The following OPCML variants were observed in gnomAD, a reference collection of about 807,000 sequenced individuals.
The protein encoded by OPCML is opioid binding protein/cell adhesion molecule like.
In OPCML, 13 loss-of-function variants were observed where a neutral mutation model predicts 37.8. That is an observed-to-expected ratio of 0.34 (90% CI 0.22 to 0.55). The LOEUF (loss-of-function observed/expected upper bound fraction) is 0.55, where lower values mean the gene tolerates loss of function less well. Among genes scored for constraint, OPCML ranks in the 20% least tolerant of loss-of-function variants. OPCML has a pLI of 0.91. For missense variants in OPCML, 341 were observed against 435.6 expected (o/e 0.78, Z 1.93); for synonymous variants, 176 against 168.8 (o/e 1.04, Z -0.33).
chr11:132,870,862 G>T (rs974574251), intron 2 of OPCML, among the ~76,000 whole-genome samples: 1 of 152,166 alleles, frequency 6.6e-6, no homozygotes, highest in Admixed American at 6.5e-5. Flanking sequence ...CACAAAAGTA[G>T]GGAGTAAAAT....
At chr11:132,899,718 T>A (rs1322902207) in intron 2 of OPCML, among the ~76,000 whole-genome samples, 1 of 152,124 alleles carries the variant, frequency 6.6e-6, no homozygotes, top group Admixed American at 6.5e-5. Context: ...GAGACTGGCA[T>A]GTGAGTCTAA....
intron 1 of OPCML, among the ~76,000 whole-genome samples, chr11:133,374,546 A>G (rs1157810272): frequency 6.6e-6 from 1 of 152,152 alleles, no homozygotes; most frequent in East Asian, 1.9e-4. Flanking sequence ...TCAACTGGTG[A>G]AATTTTCTCC....
chr11:132,505,723 C>G (rs530686823), intron 4 of OPCML, among the ~76,000 whole-genome samples: 43 of 152,028 alleles, frequency 2.8e-4, no homozygotes, highest in Non-Finnish European at 6.0e-4. Context: ...CTGAGCAGCT[C>G]TCCCGGGATA....
chr11:132,710,461 G>C (rs990841713), intron 2 of OPCML, among the ~76,000 whole-genome samples: 1 of 152,152 alleles, frequency 6.6e-6, no homozygotes, highest in African/African-American at 2.4e-5. Flanking sequence ...AGACATGACT[G>C]TGCCCAAAGT....
intron 2 of OPCML, among the ~76,000 whole-genome samples, chr11:132,903,246 C>T (rs2136508515): frequency 1.3e-5 from 2 of 152,292 alleles, no homozygotes; most frequent in Middle Eastern, 3.4e-3. Flanking sequence ...GGAAGCTTTT[C>T]CTCCACCCTC....
At chr11:132,509,375 C>A (rs2508943) in intron 4 of OPCML, among the ~76,000 whole-genome samples, 78,442 of 151,932 alleles carry the variant, frequency 0.52, 20,955 homozygotes, top group East Asian at 0.8. Flanking sequence ...GAGAAATTCA[C>A]GCCAGCTGCA....
chr11:133,273,751 C>T (rs968425582), intron 1 of OPCML, among the ~76,000 whole-genome samples: 1 of 152,098 alleles, frequency 6.6e-6, no homozygotes, highest in Admixed American at 6.5e-5. Flanking sequence ...ATCCAGAGGG[C>T]CCTCAGTCTT....
At chr11:133,216,291 T>C (rs568406757) in intron 1 of OPCML, among the ~76,000 whole-genome samples, 3 of 152,176 alleles carry the variant, frequency 2.0e-5, no homozygotes, top group Admixed American at 2.0e-4. Flanking sequence ...AAACAGAAAA[T>C]TCCTCCTCTG....
At chr11:132,532,815 A>G (rs752723651) in intron 3 of OPCML, among the ~76,000 whole-genome samples, 82 of 152,298 alleles carry the variant, frequency 5.4e-4, no homozygotes, top group Non-Finnish European at 1.0e-3. Flanking sequence ...CCCCAGGGCC[A>G]TGCATGCTGC....
chr11:133,450,986 A>G (rs968025762), intron 1 of OPCML, among the ~76,000 whole-genome samples: 3 of 151,770 alleles, frequency 2.0e-5, no homozygotes, highest in African/African-American at 7.3e-5. Context: ...TACCATATAT[A>G]TGTATATGCA....
chr11:133,276,563 T>C (rs77482858), intron 1 of OPCML, among the ~76,000 whole-genome samples: 6 of 152,194 alleles, frequency 3.9e-5, no homozygotes, highest in East Asian at 3.9e-4. Context: ...AAGCGTAATA[T>C]TGAAAAACAG....
intron 4 of OPCML, among the ~76,000 whole-genome samples, chr11:132,505,641 A>G (rs763445710): frequency 1.2e-4 from 18 of 152,210 alleles, no homozygotes; most frequent in Non-Finnish European, 2.6e-4. Context: ...ACAAAATTTA[A>G]ATCTCCATCA....
intron 3 of OPCML, among the ~76,000 whole-genome samples, chr11:132,576,805 C>A (rs2096452034): frequency 6.6e-6 from 1 of 152,166 alleles, no homozygotes; most frequent in African/African-American, 2.4e-5. Context: ...AACTCTTTCC[C>A]TCCCTAGGGA....
At chr11:133,271,907 A>T (rs1379334756) in intron 1 of OPCML, among the ~76,000 whole-genome samples, 1 of 152,210 alleles carries the variant, frequency 6.6e-6, no homozygotes, top group Non-Finnish European at 1.5e-5. Flanking sequence ...AGATAATCAC[A>T]TATAGTCCCT....
intron 1 of OPCML, among the ~76,000 whole-genome samples, chr11:133,415,329 G>T (rs958749106): frequency 2.6e-5 from 4 of 151,778 alleles, no homozygotes; most frequent in African/African-American, 9.7e-5. Context: ...AGAATGGCAT[G>T]AACCCAGGAG....
chr11:133,521,466 T>G (rs919060776), intron 1 of OPCML, among the ~76,000 whole-genome samples: 4 of 152,250 alleles, frequency 2.6e-5, no homozygotes, highest in Non-Finnish European at 5.9e-5. Flanking sequence ...CCAATCTTCA[T>G]GGACATTGTG....
intron 2 of OPCML, among the ~76,000 whole-genome samples, chr11:132,856,442 G>A (rs1020627814): frequency 6.6e-6 from 1 of 152,146 alleles, no homozygotes; most frequent in Non-Finnish European, 1.5e-5. Flanking sequence ...GGAATGTCAG[G>A]TGTCTATCAG....
chr11:132,499,299 G>C (rs1018150673), intron 4 of OPCML, among the ~76,000 whole-genome samples: 2 of 152,206 alleles, frequency 1.3e-5, no homozygotes, highest in African/African-American at 4.8e-5. Context: ...TTGACATGAG[G>C]GGCCAAGAGC....
chr11:132,691,905 C>T (rs1943418817), intron 2 of OPCML, among the ~76,000 whole-genome samples: 1 of 152,138 alleles, frequency 6.6e-6, no homozygotes, highest in South Asian at 2.1e-4. Flanking sequence ...CTCCAGTTGA[C>T]AGTATCGACA....
Sources: allele counts gnomAD v4.1 joint callset (sites outside exome capture counted in the v4.1 genomes callset), GRCh38; gene constraint gnomAD v4.1.1; transcripts MANE v1.5; gene names NCBI Gene and HGNC (gene_info 2026-07-23, HGNC 2026-07-21).